The following CYP4X1 variants were observed in gnomAD, a reference collection of about 807,000 sequenced individuals.
CYP4X1 encodes the protein cytochrome P450 family 4 subfamily X member 1, also known as cytochrome P450 4X1.
A neutral mutation model predicts 57.9 loss-of-function variants in CYP4X1; 44 were observed. The observed-to-expected ratio is 0.76, with a 90% CI of 0.60 to 0.98. CYP4X1 has a LOEUF of 0.98. Among genes scored for constraint, CYP4X1 ranks in the 50% least tolerant of loss-of-function variants. The pLI is 0.00. For missense variants in CYP4X1, 532 were observed against 623.9 expected (o/e 0.85, Z 1.57); for synonymous variants, 227 against 228.6 (o/e 0.99, Z 0.06).
the CYP4X1 span, among the ~76,000 whole-genome samples, chr1:47,014,278 T>C: frequency 2.6e-5 from 4 of 152,350 alleles, no homozygotes; most frequent in Admixed American, 2.6e-4. Flanking sequence ...AATGTGAAAC[T>C]CTACATCTGC....
At chr1:46,987,140 T>G in the CYP4X1 span, among the ~76,000 whole-genome samples, 1 of 152,074 alleles carries the variant, frequency 6.6e-6, no homozygotes, top group African/African-American at 2.4e-5. Flanking sequence ...CCATCATACA[T>G]GCAAAGACAC....
intron 8 of CYP4X1, among the ~76,000 whole-genome samples, chr1:47,040,654 A>T (rs1644235493): frequency 6.6e-6 from 1 of 152,118 alleles, no homozygotes; most frequent in Admixed American, 6.6e-5. Context: ...AACTGACAAA[A>T]ATTGTGCATA....
intron 10 of CYP4X1, 65 bp from the exon 11 acceptor site, chr1:47,049,357 T>C: frequency 8.5e-7 from 1 of 1,172,988 alleles, no homozygotes; most frequent in Non-Finnish European, 1.3e-6. Flanking sequence ...CGGTGCTAGG[T>C]GGTAGGTGAA....
At chr1:47,034,752 C>T (rs1463429812) in intron 4 of CYP4X1, among the ~76,000 whole-genome samples, 2 of 151,966 alleles carry the variant, frequency 1.3e-5, no homozygotes, top group African/African-American at 4.8e-5. Flanking sequence ...GTTTCAGATC[C>T]TCCAGTGACT....
At chr1:47,036,622 G>C (rs1644186800) in intron 6 of CYP4X1, among the ~76,000 whole-genome samples, 1 of 152,028 alleles carries the variant, frequency 6.6e-6, no homozygotes. Context: ...AGTTGAAATA[G>C]ATTAAGCTTT....
chr1:47,048,506 A>G (rs899470397), intron 9 of CYP4X1, 59 bp from the exon 10 acceptor site: 2 of 1,575,510 alleles, frequency 1.3e-6, no homozygotes, highest in Middle Eastern at 1.7e-4. Flanking sequence ...GTTTAAGAGC[A>G]CAGTAGCCCA....
At chr1:47,043,126 T>C (rs1165225108) in intron 8 of CYP4X1, among the ~76,000 whole-genome samples, 2 of 152,172 alleles carry the variant, frequency 1.3e-5, no homozygotes, top group Non-Finnish European at 2.9e-5. Context: ...TCTATTATTA[T>C]TTGATTTTTT....
the CYP4X1 span, among the ~76,000 whole-genome samples, chr1:47,008,589 TA>T: frequency 6.6e-6 from 1 of 152,120 alleles, no homozygotes; most frequent in Non-Finnish European, 1.5e-5. Context: ...ACCTTAAATG[TA>T]AATGGGCTAA....
At position 47,029,604 on chromosome 1, in the gene CYP4X1, T is replaced by A. The variant is rs113790210; in HGVS notation, c.178-386T>A. On this transcript the variant is annotated intron_variant, in intron 1 of 11. Coordinates refer to ENST00000371901, the MANE Select transcript of CYP4X1 (RefSeq NM_178033.2). ...GGATGTAGGGTCATGCCCCATTTAGTAACTGTTAGTTTCCCACATAGGAAA... is the reference window on the plus strand; with the variant it reads ...GGATGTAGGGTCATGCCCCATTTAGAAACTGTTAGTTTCCCACATAGGAAA... Among the ~76,000 whole-genome samples the A allele has an allele frequency of 4.4e-3, 673 of 152,312 alleles. 4 individuals are homozygous for A. The highest frequency in any genetic ancestry group is 0.015 in the African/African-American group (636 of 41,576).
the CYP4X1 span, chr1:46,961,759 G>T: frequency 1.5e-6 from 2 of 1,311,834 alleles, no homozygotes; most frequent in South Asian, 2.4e-5. Context: ...GTGGATTGGT[G>T]AGTAAGCACC....
At chr1:46,977,733 G>A in the CYP4X1 span, among the ~76,000 whole-genome samples, 3 of 151,802 alleles carry the variant, frequency 2.0e-5, no homozygotes, top group African/African-American at 7.3e-5. Context: ...GAGAACGGTC[G>A]GGTTACCAAT....
At chr1:46,969,818 C>T in the CYP4X1 span, among the ~76,000 whole-genome samples, 1 of 152,118 alleles carries the variant, frequency 6.6e-6, no homozygotes, top group South Asian at 2.1e-4. Flanking sequence ...TAATGATGTG[C>T]TAAGTGAAAT....
At chr1:46,984,376 TAAAAAA>T in the CYP4X1 span, among the ~76,000 whole-genome samples, 15 of 118,576 alleles carry the variant, frequency 1.3e-4, no homozygotes, top group East Asian at 2.4e-4. Context: ...GCTCTGCCTT[TAAAAAA>T]AAAAAAAAAA....
the CYP4X1 span, among the ~76,000 whole-genome samples, chr1:46,991,273 A>T: frequency 1.3e-5 from 2 of 152,146 alleles, no homozygotes; most frequent in African/African-American, 2.4e-5. Context: ...AAGAAACGAG[A>T]GCCTGGATTT....
At chr1:47,016,508 A>AT in the CYP4X1 span, among the ~76,000 whole-genome samples, 1 of 151,906 alleles carries the variant, frequency 6.6e-6, no homozygotes, top group Middle Eastern at 3.4e-3. Flanking sequence ...CGCCCAGTTG[A>AT]TTTTTTGTAT....
chr1:47,049,650 A>G, intron 11 of CYP4X1, 146 bp downstream of exon 11: 1 of 770,376 alleles, frequency 1.3e-6, no homozygotes, highest in Non-Finnish European at 2.1e-6. Context: ...AGTTAGTTTT[A>G]CAAAGGACAA....
intron 4 of CYP4X1, 106 bp downstream of exon 4, chr1:47,033,474 A>G: frequency 6.9e-7 from 1 of 1,442,188 alleles, no homozygotes; most frequent in Non-Finnish European, 9.3e-7. Context: ...CAGTTTCTAA[A>G]AATTTAACCA....
the CYP4X1 span, among the ~76,000 whole-genome samples, chr1:46,995,798 C>G: frequency 6.6e-6 from 1 of 152,320 alleles, no homozygotes; most frequent in Admixed American, 6.5e-5. Flanking sequence ...GGATGCCATC[C>G]AAAACCAACG....
the CYP4X1 span, among the ~76,000 whole-genome samples, chr1:46,998,623 G>A: frequency 6.6e-6 from 1 of 152,038 alleles, no homozygotes; most frequent in Non-Finnish European, 1.5e-5. Context: ...GGTTGCATTT[G>A]CTTATGAGAT....
Sources: gnomAD v4.1 joint callset for allele counts (sites outside exome capture counted in the v4.1 genomes callset) on GRCh38, gnomAD v4.1.1 for gene constraint, MANE v1.5 for transcripts, NCBI Gene and HGNC (gene_info 2026-07-23, HGNC 2026-07-21) for gene names.